The following LARP1B variants were observed in gnomAD, a reference collection of about 807,000 sequenced individuals.
LARP1B encodes La ribonucleoprotein 1B.
LARP1B carries 76 observed loss-of-function variants against 114.2 expected under a neutral mutation model. The observed-to-expected ratio is 0.67, with a 90% CI of 0.55 to 0.81. The LOEUF (loss-of-function observed/expected upper bound fraction) is 0.81, where lower values mean the gene tolerates loss of function less well. Ranked by LOEUF, LARP1B falls within the 30% of genes least tolerant of loss-of-function variation. LARP1B has a pLI of 0.00. For missense variants in LARP1B, 1,014 were observed against 1,075.8 expected (o/e 0.94, Z 0.80); for synonymous variants, 345 against 348.0 (o/e 0.99, Z 0.10).
intron 7 of LARP1B, among the ~76,000 whole-genome samples, chr4:128,094,040 T>G (rs1776905452): frequency 6.6e-6 from 1 of 151,842 alleles, no homozygotes; most frequent in African/African-American, 2.4e-5. Context: ...TTTAAAAACT[T>G]TTTATTGCAG....
chr4:128,161,132 G>A (rs1445396096), intron 11 of LARP1B, among the ~76,000 whole-genome samples: 1 of 152,200 alleles, frequency 6.6e-6, no homozygotes, highest in African/African-American at 2.4e-5. Flanking sequence ...AAATAGTGGA[G>A]TGTAAGCAGT....
chr4:128,138,225 CAAAAA>C (rs1226633568), intron 11 of LARP1B, among the ~76,000 whole-genome samples: 1 of 151,578 alleles, frequency 6.6e-6, no homozygotes, highest in South Asian at 2.1e-4. Context: ...CTTATCATAA[CAAAAA>C]AAGAAAATAG....
At chr4:128,121,384 CT>C (rs1787931194) in intron 10 of LARP1B, among the ~76,000 whole-genome samples, 1 of 152,210 alleles carries the variant, frequency 6.6e-6, no homozygotes, top group Non-Finnish European at 1.5e-5. Context: ...ATGGCGCGAT[CT>C]TGGCTCACTG....
chr4:128,137,410 A>T (rs999600648), intron 11 of LARP1B, among the ~76,000 whole-genome samples: 1 of 152,162 alleles, frequency 6.6e-6, no homozygotes, highest in Non-Finnish European at 1.5e-5. Context: ...TTACATGCTT[A>T]TTCATGTGGC....
intron 3 of LARP1B, 111 bp downstream of exon 3, chr4:128,075,104 ATTTTT>A: frequency 2.8e-6 from 2 of 724,232 alleles, no homozygotes; most frequent in Admixed American, 2.7e-5. Flanking sequence ...TGGGGGACAG[ATTTTT>A]TTTATTTTTT....
At chr4:128,108,819 G>C (rs1322632650) in intron 9 of LARP1B, 3 of 984,122 alleles carry the variant, frequency 3.0e-6, no homozygotes, top group Non-Finnish European at 3.6e-6. Flanking sequence ...TCTCTGCAGG[G>C]TAGGTAAGAT....
intron 13 of LARP1B, among the ~76,000 whole-genome samples, chr4:128,177,294 C>T (rs1353581433): frequency 6.6e-6 from 1 of 152,054 alleles, no homozygotes; most frequent in Non-Finnish European, 1.5e-5. Context: ...TTTACAAATT[C>T]GTGCCTAGAA....
At chr4:128,065,321 C>CTTTTCTTT (rs1561012561) in intron 1 of LARP1B, among the ~76,000 whole-genome samples, 2 of 131,834 alleles carry the variant, frequency 1.5e-5, no homozygotes, top group African/African-American at 5.6e-5. Context: ...TTCTTTCTCT[C>CTTTTCTTT]TCTCTCTCTC....
Position 128,153,462 on chromosome 4 carries a change from C to T in LARP1B, c.1525-8732C>T, listed in dbSNP as rs187980535. 7.9e-5 allele frequency among the ~76,000 whole-genome samples: 12 copies of T among 152,178 alleles called. No homozygotes were observed. In the East Asian group the frequency reaches 1.5e-3, roughly 20 times the overall value. On this transcript the variant is annotated intron_variant, in intron 11 of 19. Transcript: ENST00000326639. Reference sequence around the variant, plus strand: ...CACGGACTACAGGCGTGCACCACCACGCCTGGCTAATTTTTGTACTTTTAG... The same window carrying T: ...CACGGACTACAGGCGTGCACCACCATGCCTGGCTAATTTTTGTACTTTTAG...
chr4:128,123,669 T>A (rs1788691205), intron 11 of LARP1B: 1 of 808,560 alleles, frequency 1.2e-6, no homozygotes, highest in East Asian at 1.2e-4. Flanking sequence ...CAATTCATGT[T>A]TGTGGGTAAA....
intron 12 of LARP1B, among the ~76,000 whole-genome samples, chr4:128,166,405 T>G (rs1740826641): frequency 1.3e-5 from 2 of 152,004 alleles, no homozygotes; most frequent in Admixed American, 1.3e-4. Flanking sequence ...ACTCCTAGCC[T>G]GTCTCCCTCC....
At position 128,162,277 on chromosome 4, in the gene LARP1B, A is replaced by G. The variant is rs377424416; in HGVS notation, c.1608A>G (p.Pro536=). 5 of 1,613,152 alleles carry G rather than the reference A, an allele frequency of 3.1e-6. No individual in the cohort carries two copies. Among genetic ancestry groups the G allele is most frequent in the Non-Finnish European group, 4.2e-6 (5 of 1,179,414 alleles). Residue 536 remains proline (P), a synonymous_variant, in exon 12 of 20, where the codon CCA becomes CCG. Transcript: ENST00000326639. The part of the protein sequence containing the change: ...ENLTPELPFE[P]NQEVPVAPSQ... ...TAACACCTGAACTTCCTTTTGAGCC[A>G]AACCAAGAAGTTCCTGTAGCACCTT...
chr4:128,097,219 G>A (rs1320735415), intron 7 of LARP1B, among the ~76,000 whole-genome samples: 1 of 152,048 alleles, frequency 6.6e-6, no homozygotes, highest in African/African-American at 2.4e-5. Context: ...CTTATGGTCT[G>A]TCTATCAAAG....
intron 12 of LARP1B, among the ~76,000 whole-genome samples, chr4:128,175,293 C>T (rs1348221802): frequency 6.6e-6 from 1 of 152,106 alleles, no homozygotes; most frequent in Non-Finnish European, 1.5e-5. Flanking sequence ...TTTCCTATAG[C>T]ATCATAGCAT....
chr4:128,165,086 C>T (rs1367923627), intron 12 of LARP1B, among the ~76,000 whole-genome samples: 2 of 151,686 alleles, frequency 1.3e-5, no homozygotes, highest in African/African-American at 2.4e-5. Context: ...ATGCATAGCA[C>T]ATAGGAGCCA....
At chr4:128,089,616 G>A (rs1368936200) in intron 5 of LARP1B, among the ~76,000 whole-genome samples, 1 of 152,080 alleles carries the variant, frequency 6.6e-6, no homozygotes, top group African/African-American at 2.4e-5. Flanking sequence ...GATTACAGGT[G>A]TGAGCCACCG....
chr4:128,100,527 C>T (rs1779934979), intron 8 of LARP1B, among the ~76,000 whole-genome samples: 1 of 152,180 alleles, frequency 6.6e-6, no homozygotes, highest in Non-Finnish European at 1.5e-5. Context: ...CCGCCTCAGC[C>T]TCCCAAAGTG....
chr4:128,092,494 A>G (rs1776260534), intron 7 of LARP1B, among the ~76,000 whole-genome samples: 1 of 152,208 alleles, frequency 6.6e-6, no homozygotes, highest in Non-Finnish European at 1.5e-5. Flanking sequence ...GTATGTTTTT[A>G]TAGAGGCAAG....
chr4:128,127,689 C>A (rs1431675816), intron 11 of LARP1B, among the ~76,000 whole-genome samples: 1 of 152,054 alleles, frequency 6.6e-6, no homozygotes, highest in Non-Finnish European at 1.5e-5. Context: ...CAAAATTAGC[C>A]GGGCATGGTG....
Sources: allele counts gnomAD v4.1 joint callset (sites outside exome capture counted in the v4.1 genomes callset), GRCh38; gene constraint gnomAD v4.1.1; transcripts MANE v1.5; gene names NCBI Gene and HGNC (gene_info 2026-07-23, HGNC 2026-07-21).